DAB1: variants seen among roughly 807,000 people sequenced by gnomAD.
DAB1 encodes disabled homolog 1.
DAB1 carries 15 observed loss-of-function variants against 64.6 expected under a neutral mutation model. The ratio of observed to expected loss-of-function variants is 0.23; its 90% CI spans 0.16 to 0.36. DAB1 has a LOEUF of 0.36. DAB1 is among the 10% of genes least tolerant of loss of function. DAB1 has a pLI of 1.00. For missense variants in DAB1, 596 were observed against 706.7 expected, an observed-to-expected ratio of 0.84 and a Z score of 1.78; for synonymous variants, 235 against 251.9, an observed-to-expected ratio of 0.93 and a Z score of 0.64.
At chr1:58,386,345 G>T (rs542587060) in intron 3 of DAB1, among the ~76,000 whole-genome samples, 1 of 152,298 alleles carries the variant, frequency 6.6e-6, no homozygotes, top group Admixed American at 6.5e-5. Context: ...GAAATGGTAA[G>T]TTGGAGAAAA....
chr1:58,254,483 G>C (rs1352726788), intron 4 of DAB1, among the ~76,000 whole-genome samples: 2 of 130,042 alleles, frequency 1.5e-5, no homozygotes, highest in Non-Finnish European at 3.2e-5. Flanking sequence ...ATGCTGGTGC[G>C]CTGCACCCAC....
At chr1:58,424,266 C>T (rs1329857940) in intron 3 of DAB1, among the ~76,000 whole-genome samples, 1 of 152,210 alleles carries the variant, frequency 6.6e-6, no homozygotes, top group Non-Finnish European at 1.5e-5. Context: ...TTTGGGCCTT[C>T]AACTGAGTGG....
chr1:57,045,314 G>C (rs796495200), intron 9 of DAB1, among the ~76,000 whole-genome samples: 1 of 152,166 alleles, frequency 6.6e-6, no homozygotes, highest in Non-Finnish European at 1.5e-5. Flanking sequence ...AATGGCAGGA[G>C]GAAGGAGGCT....
Position 57,757,220 on chromosome 1 carries a change from T to TTTTTTTTTTTTTTTTTTTTTTTG in DAB1, n.552-107556_552-107555insCAAAAAAAAAAAAAAAAAAAAAA, listed in dbSNP as rs200688727. ...AGAATTTTTTTTTTTTTTTTTTTTTTAGCAGCAATGATGGAGGCTAACAGC... is the reference window on the plus strand; with the variant it reads ...AGAATTTTTTTTTTTTTTTTTTTTTTTTTTTTTTTTTTTTTTTTTTTTGAGCAGCAATGATGGAGGCTAACAGC... On this transcript the variant is annotated intron_variant and non_coding_transcript_variant, in intron 6 of 20. Transcript: ENST00000485760. Among the ~76,000 whole-genome samples the TTTTTTTTTTTTTTTTTTTTTTTG allele has an allele frequency of 6.7e-4, 81 of 120,178 alleles. 8 individuals are homozygous for TTTTTTTTTTTTTTTTTTTTTTTG. Among genetic ancestry groups the TTTTTTTTTTTTTTTTTTTTTTTG allele is most frequent in the East Asian group, 1.3e-3 (5 of 3,944 alleles). 78.8% of individuals were successfully genotyped at this position (120,178 alleles called of 152,430 possible).
chr1:57,634,670 T>C (rs1273826525), intron 7 of DAB1, among the ~76,000 whole-genome samples: 6 of 152,228 alleles, frequency 3.9e-5, no homozygotes, highest in African/African-American at 1.4e-4. Flanking sequence ...TTATTGTGCA[T>C]CTTTTGTGTG....
chr1:58,091,267 A>C (rs778001957), intron 5 of DAB1, among the ~76,000 whole-genome samples: 2 of 152,104 alleles, frequency 1.3e-5, no homozygotes, highest in Non-Finnish European at 2.9e-5. Context: ...AAAGATTCAG[A>C]GCCTATAAAA....
intron 5 of DAB1, among the ~76,000 whole-genome samples, chr1:57,996,677 C>G (rs944222586): frequency 6.6e-6 from 1 of 152,158 alleles, no homozygotes; most frequent in Non-Finnish European, 1.5e-5. Flanking sequence ...AAAATTGCAT[C>G]CCCCCTTCTA....
At chr1:57,213,516 C>T (rs1666190638) in intron 2 of DAB1, among the ~76,000 whole-genome samples, 1 of 152,112 alleles carries the variant, frequency 6.6e-6, no homozygotes, top group Non-Finnish European at 1.5e-5. Context: ...AAAACACTTT[C>T]CCTACAGTTC....
chr1:58,347,382 A>C (rs1051608442), intron 3 of DAB1, among the ~76,000 whole-genome samples: 4 of 152,212 alleles, frequency 2.6e-5, no homozygotes, highest in Non-Finnish European at 5.9e-5. Flanking sequence ...TGCTGATTGC[A>C]GGCATGCGTG....
intron 1 of DAB1, among the ~76,000 whole-genome samples, chr1:57,343,890 T>C (rs1264464057): frequency 6.6e-6 from 1 of 152,188 alleles, no homozygotes; most frequent in Non-Finnish European, 1.5e-5. Flanking sequence ...TCCTCAAGTG[T>C]GGCCAGAGTG....
chr1:57,053,774 G>A (rs565303654), intron 9 of DAB1, among the ~76,000 whole-genome samples: 19 of 144,776 alleles, frequency 1.3e-4, no homozygotes, highest in East Asian at 4.1e-4. Flanking sequence ...TGAAACCTCC[G>A]CTTCCTGGGT....
At chr1:57,277,539 C>T (rs1235138176) in intron 2 of DAB1, among the ~76,000 whole-genome samples, 1 of 152,178 alleles carries the variant, frequency 6.6e-6, no homozygotes, top group East Asian at 1.9e-4. Context: ...ACGATTCCCA[C>T]CTGCTATCAA....
At chr1:58,462,057 T>C (rs1645247547) in intron 3 of DAB1, among the ~76,000 whole-genome samples, 1 of 150,750 alleles carries the variant, frequency 6.6e-6, no homozygotes, top group South Asian at 2.1e-4. Context: ...ACCCAAGGAC[T>C]CAGGGGGGTA....
intron 4 of DAB1, among the ~76,000 whole-genome samples, chr1:58,234,594 G>A (rs1659930755): frequency 6.6e-6 from 1 of 152,160 alleles, no homozygotes; most frequent in African/African-American, 2.4e-5. Flanking sequence ...CCCTAGGAAT[G>A]CTAGAATCAC....
intron 6 of DAB1, among the ~76,000 whole-genome samples, chr1:57,674,599 A>C (rs1212120705): frequency 2.0e-5 from 3 of 152,146 alleles, no homozygotes; most frequent in Non-Finnish European, 4.4e-5. Flanking sequence ...TCATCAGGCT[A>C]TCAGTCTTGC....
chr1:58,116,752 C>A (rs906820203), intron 5 of DAB1, among the ~76,000 whole-genome samples: 1 of 152,128 alleles, frequency 6.6e-6, no homozygotes, highest in South Asian at 2.1e-4. Flanking sequence ...TAATTCAGTT[C>A]TTTAATTCTG....
At position 58,241,318 on chromosome 1, in the gene DAB1, CATTTGGAT is replaced by C. The variant is rs1180309118; in HGVS notation, n.310-90738_310-90731del. ...TTACAATCCATTGTTAAATGAAATA[CATTTGGAT>C]ATCACAAACAAATCATTTCCTACAA... On this transcript the variant is annotated intron_variant and non_coding_transcript_variant, in intron 4 of 20. Transcript: ENST00000485760. Among the ~76,000 whole-genome samples, 72 of 136,046 alleles carry C rather than the reference CATTTGGAT, an allele frequency of 5.3e-4. 1 individual carries two copies. The highest frequency in any genetic ancestry group is 1.7e-3 in the African/African-American group (59 of 33,804). The allele number at this position is 136,046 out of a possible 152,430, so 89.3% of individuals were successfully genotyped here. A position where few individuals can be genotyped will look rare whatever the true frequency, so the allele number is the denominator to read the frequency against.
chr1:57,617,844 C>T (rs891443122), intron 7 of DAB1, among the ~76,000 whole-genome samples: 2 of 152,176 alleles, frequency 1.3e-5, no homozygotes, highest in African/African-American at 4.8e-5. Flanking sequence ...ACAAAAGGTA[C>T]CTGGGTTCTA....
intron 2 of DAB1, among the ~76,000 whole-genome samples, chr1:57,246,878 T>C (rs1035944600): frequency 5.3e-5 from 8 of 152,242 alleles, no homozygotes; most frequent in Non-Finnish European, 7.3e-5. Context: ...GTTTTGGACT[T>C]GTATGGGGCC....
Sources: allele counts gnomAD v4.1 joint callset (sites outside exome capture counted in the v4.1 genomes callset), GRCh38; gene constraint gnomAD v4.1.1; transcripts MANE v1.5; gene names NCBI Gene and HGNC (gene_info 2026-07-23, HGNC 2026-07-21).